Variants in JAKMIP2 observed in about 807,000 individuals in gnomAD.
JAKMIP2 encodes janus kinase and microtubule interacting protein 2.
JAKMIP2 carries 25 observed loss-of-function variants against 115.0 expected under a neutral mutation model. The observed-to-expected ratio is 0.22, with a 90% CI of 0.16 to 0.30. The LOEUF (loss-of-function observed/expected upper bound fraction) is 0.30. Among genes scored for constraint, JAKMIP2 ranks in the 10% least tolerant of loss-of-function variants. The probability of loss-of-function intolerance (pLI) is 1.00; values close to 1 mark genes in which losing one functional copy is unlikely to be tolerated. For missense variants in JAKMIP2, 642 were observed against 957.6 expected (o/e 0.67, Z 4.35); for synonymous variants, 334 against 343.6 (o/e 0.97, Z 0.31).
intron 2 of JAKMIP2, 106 bp from the exon 3 acceptor site, chr5:147,661,551 T>A: frequency 8.4e-7 from 1 of 1,191,166 alleles, no homozygotes. Context: ...TAATTCCTCA[T>A]CTCTTTTCCA....
intron 13 of JAKMIP2, among the ~76,000 whole-genome samples, chr5:147,631,859 A>T (rs559616618): frequency 6.6e-6 from 1 of 152,288 alleles, no homozygotes; most frequent in African/African-American, 2.4e-5. Flanking sequence ...AGCCTTTTGC[A>T]TATTCAATCT....
intron 1 of JAKMIP2, among the ~76,000 whole-genome samples, chr5:147,733,225 T>G (rs1753798331): frequency 6.6e-6 from 1 of 152,202 alleles, no homozygotes; most frequent in African/African-American, 2.4e-5. Flanking sequence ...ATAATTCACT[T>G]TAGATGTGAG....
chr5:147,739,113 C>G (rs977479926), intron 1 of JAKMIP2, among the ~76,000 whole-genome samples: 2 of 152,110 alleles, frequency 1.3e-5, no homozygotes, highest in African/African-American at 4.8e-5. Flanking sequence ...TCACAGCAGC[C>G]TGGTGAGGGG....
chr5:147,761,821 ATAGT>A (rs1246001283), intron 1 of JAKMIP2, among the ~76,000 whole-genome samples: 1 of 152,150 alleles, frequency 6.6e-6, no homozygotes, highest in Non-Finnish European at 1.5e-5. Context: ...GGGAAAGAAA[ATAGT>A]TAAATTATCA....
Position 147,661,006 on chromosome 5 carries a change from G to T in JAKMIP2, c.569C>A (p.Ser190Tyr), listed in dbSNP as rs766489831. ...KAGDLRSEHQ[S>Y]HQEAISKIKW... ...GATCTTCGAGATGGCTTCTTGGTGGGACTGATGCTCACTCCGAAGGTCCCC... is the reference window on the plus strand; with the variant it reads ...GATCTTCGAGATGGCTTCTTGGTGGTACTGATGCTCACTCCGAAGGTCCCC... Residue 190 changes from serine to tyrosine, a missense_variant, in exon 3 of 22, where the codon TCC becomes TAC. Ser to Tyr is a moderately radical substitution (Grantham distance 144). Coordinates refer to ENST00000616793, the MANE Select transcript of JAKMIP2 (RefSeq NM_001270941.2). 1 of 1,613,962 alleles carries T rather than the reference G, an allele frequency of 6.2e-7. No homozygotes were observed. Among genetic ancestry groups the T allele is most frequent in the Non-Finnish European group, 8.5e-7 (1 of 1,179,998 alleles).
At chr5:147,625,274 C>T (rs1184109370) in intron 16 of JAKMIP2, among the ~76,000 whole-genome samples, 1 of 152,194 alleles carries the variant, frequency 6.6e-6, no homozygotes, top group Non-Finnish European at 1.5e-5. Context: ...AGCCACTGCG[C>T]CCAGCCCCAG....
chr5:147,741,299 T>C (rs564944508), intron 1 of JAKMIP2, among the ~76,000 whole-genome samples: 8 of 152,150 alleles, frequency 5.3e-5, no homozygotes, highest in Non-Finnish European at 1.2e-4. Context: ...AAATCAGATA[T>C]ATACTTTTCA....
intron 19 of JAKMIP2, 72 bp downstream of exon 19, chr5:147,617,839 A>T: frequency 8.2e-7 from 1 of 1,220,052 alleles, no homozygotes; most frequent in African/African-American, 1.5e-5. Flanking sequence ...CCCATACTCA[A>T]TACCGTGTAC....
chr5:147,628,837 C>T lies in JAKMIP2; in HGVS notation c.1930-21G>A, dbSNP rs751676453. 8.2e-6 allele frequency: 13 copies of T among 1,591,874 alleles called. No individual in the cohort carries two copies. The East Asian group carries it at 1.3e-4, about 16-fold the overall frequency. The stretch of plus-strand genomic sequence containing the variant: ...AAATTCTGTAAAAAATAAGAAAGGC[C>T]GTCAGCTGAACATACTGACATTATT... On this transcript the variant is annotated intron_variant, in intron 15 of 21. Coordinates refer to ENST00000616793, the MANE Select transcript of JAKMIP2 (RefSeq NM_001270941.2).
At chr5:147,708,627 C>G (rs1415772341) in intron 1 of JAKMIP2, among the ~76,000 whole-genome samples, 2 of 152,176 alleles carry the variant, frequency 1.3e-5, no homozygotes, top group African/African-American at 4.8e-5. Flanking sequence ...TAACTTTCTG[C>G]TCCCCCTACC....
At chr5:147,776,095 G>C (rs1316052853) in intron 1 of JAKMIP2, among the ~76,000 whole-genome samples, 1 of 152,152 alleles carries the variant, frequency 6.6e-6, no homozygotes, top group African/African-American at 2.4e-5. Flanking sequence ...GAAAGAGTCA[G>C]ATGACTGGGG....
intron 1 of JAKMIP2, among the ~76,000 whole-genome samples, chr5:147,681,432 C>T (rs1580772225): frequency 6.6e-6 from 1 of 152,324 alleles, no homozygotes; most frequent in Middle Eastern, 3.4e-3. Flanking sequence ...GATCAAATAT[C>T]ATGTCATACC....
chr5:147,755,309 G>C (rs1754705767), intron 1 of JAKMIP2, among the ~76,000 whole-genome samples: 1 of 152,132 alleles, frequency 6.6e-6, no homozygotes, highest in African/African-American at 2.4e-5. Flanking sequence ...CATATTGATT[G>C]ATGTCTCATG....
intron 1 of JAKMIP2, among the ~76,000 whole-genome samples, chr5:147,752,526 C>T (rs1754595330): frequency 6.6e-6 from 1 of 152,162 alleles, no homozygotes. Context: ...TTTTGTGCTA[C>T]AACAGGAGAG....
At chr5:147,780,846 T>C (rs1410808075) in intron 1 of JAKMIP2, among the ~76,000 whole-genome samples, 1 of 152,190 alleles carries the variant, frequency 6.6e-6, no homozygotes, top group African/African-American at 2.4e-5. Context: ...TTGTAAAAAA[T>C]GTCTGTACTG....
At chr5:147,654,563 T>G (rs1438526322) in intron 3 of JAKMIP2, among the ~76,000 whole-genome samples, 1 of 152,190 alleles carries the variant, frequency 6.6e-6, no homozygotes, top group Non-Finnish European at 1.5e-5. Context: ...ACATTGCTTT[T>G]GTATCCTGAG....
chr5:147,751,287 A>G (rs1393387942), intron 1 of JAKMIP2, among the ~76,000 whole-genome samples: 2 of 132,616 alleles, frequency 1.5e-5, no homozygotes, highest in East Asian at 4.8e-4. Flanking sequence ...TTTAGTGGAG[A>G]TGGGGTTTCA....
intron 1 of JAKMIP2, among the ~76,000 whole-genome samples, chr5:147,683,208 G>A (rs563074878): frequency 2.6e-5 from 4 of 152,260 alleles, no homozygotes; most frequent in African/African-American, 9.6e-5. Flanking sequence ...ACAATCTGGC[G>A]ACCAGGTGTG....
At chr5:147,780,588 T>C (rs1336865148) in intron 1 of JAKMIP2, among the ~76,000 whole-genome samples, 2 of 152,180 alleles carry the variant, frequency 1.3e-5, no homozygotes, top group African/African-American at 4.8e-5. Context: ...CTACTTCATA[T>C]AGTTGTTAAA....
Sources: allele counts gnomAD v4.1 joint callset (sites outside exome capture counted in the v4.1 genomes callset), GRCh38; gene constraint gnomAD v4.1.1; transcripts MANE v1.5; gene names NCBI Gene and HGNC (gene_info 2026-07-23, HGNC 2026-07-21).